Variants in CFAP77 observed in about 807,000 individuals in gnomAD.
CFAP77 encodes the protein cilia and flagella associated protein 77, also known as cilia- and flagella-associated protein 77.
Under a neutral mutation model 31.1 loss-of-function variants are expected in CFAP77, and 25 were observed. The ratio of observed to expected loss-of-function variants is 0.80; its 90% CI spans 0.59 to 1.12. The LOEUF is 1.12. CFAP77 is among the 50% of genes most tolerant of loss of function. CFAP77 has a pLI of 0.00. For synonymous variants in CFAP77, 151 were observed against 159.9 expected (o/e 0.94, Z 0.42); for missense variants, 377 against 397.3 (o/e 0.95, Z 0.44).
In CFAP77 at chr9:132,424,877, C is replaced by T. The variant is rs1207223504; in HGVS notation, c.195+14411C>T. Among the ~76,000 whole-genome samples, 5 of 152,164 alleles carry T rather than the reference C, an allele frequency of 3.3e-5. No homozygotes were observed. Among genetic ancestry groups the T allele is most frequent in the Admixed American group, 6.5e-5 (1 of 15,280 alleles). On this transcript the variant is annotated intron_variant, in intron 1 of 5. Transcript: ENST00000393216. The surrounding 1 kb of genome is among the most constrained non-coding windows in gnomAD (Gnocchi z 4.1). ...GCATCCCCTCCTCCTCTCCCAAACA[C>T]GGCTCCCTTCTTCTCCCCACCTCCC...
chr9:132,431,595 TA>T (rs1850412685), intron 1 of CFAP77, among the ~76,000 whole-genome samples: 1 of 152,168 alleles, frequency 6.6e-6, no homozygotes, highest in African/African-American at 2.4e-5. Flanking sequence ...AAAATTCACT[TA>T]ATGAGCCCGA....
chr9:132,433,439 G>A (rs2131693826), intron 1 of CFAP77, among the ~76,000 whole-genome samples: 1 of 152,252 alleles, frequency 6.6e-6, no homozygotes, highest in South Asian at 2.1e-4. Flanking sequence ...GGACAGCACA[G>A]ATGGCATAAA....
intron 5 of CFAP77, among the ~76,000 whole-genome samples, chr9:132,551,407 T>C (rs1852817794): frequency 6.6e-6 from 1 of 152,196 alleles, no homozygotes; most frequent in South Asian, 2.1e-4. Context: ...GCAATTCTTC[T>C]GCCTCAGCCT....
chr9:132,544,144 GAA>G (rs1383984656), intron 5 of CFAP77, among the ~76,000 whole-genome samples: 2 of 138,116 alleles, frequency 1.4e-5, no homozygotes, highest in African/African-American at 5.7e-5. Flanking sequence ...CTTCACCGGA[GAA>G]ACCTGCTCTG....
At position 132,570,441 on chromosome 9, in the gene CFAP77, G is replaced by A. The variant is rs574043814; in HGVS notation, c.733-1947G>A. ...GGCAAAACCAAAAAATCTGAAACCC[G>A]AGGCTGGGGCTGGGACTACGACTGG... On this transcript the variant is annotated intron_variant, in intron 5 of 5. Transcript: ENST00000393216. Among the ~76,000 whole-genome samples the A allele has an allele frequency of 3.9e-5, 6 of 152,240 alleles. No individual in the cohort carries two copies. The South Asian group carries it at 8.3e-4, about 21-fold the overall frequency.
intron 1 of CFAP77, among the ~76,000 whole-genome samples, chr9:132,441,211 A>AAGG (rs1362979263): frequency 1.3e-5 from 2 of 152,164 alleles, no homozygotes; most frequent in Non-Finnish European, 2.9e-5. Context: ...GTAGGGGGAA[A>AAGG]AGGAGACTGT....
intron 1 of CFAP77, among the ~76,000 whole-genome samples, chr9:132,484,529 G>A (rs1163741163): frequency 6.6e-6 from 1 of 152,152 alleles, no homozygotes; most frequent in African/African-American, 2.4e-5. Flanking sequence ...TTAGCATAAT[G>A]CTTTCAGGAT....
intron 1 of CFAP77, among the ~76,000 whole-genome samples, chr9:132,477,040 T>G (rs1277502559): frequency 6.6e-6 from 1 of 152,196 alleles, no homozygotes; most frequent in Non-Finnish European, 1.5e-5. Flanking sequence ...GTCTTGGGGC[T>G]GCCGGAGCTG....
intron 1 of CFAP77, among the ~76,000 whole-genome samples, chr9:132,475,147 C>G (rs1851330077): frequency 6.6e-6 from 1 of 152,212 alleles, no homozygotes; most frequent in Non-Finnish European, 1.5e-5. Flanking sequence ...GCTGCATTAA[C>G]CGAGCCTGAG....
chr9:132,443,821 C>T (rs1023895239), intron 1 of CFAP77, among the ~76,000 whole-genome samples: 8 of 152,226 alleles, frequency 5.3e-5, no homozygotes, highest in South Asian at 2.1e-4. Flanking sequence ...CTTCTGGCCA[C>T]GCTTGAATAG....
In CFAP77 at chr9:132,498,320, A is replaced by G. The variant is rs562015146; in HGVS notation, c.196-375A>G. Among the ~76,000 whole-genome samples, 1 of 152,202 alleles carries G rather than the reference A, an allele frequency of 6.6e-6. No homozygotes were observed. The highest frequency in any genetic ancestry group is 2.4e-5 in the African/African-American group (1 of 41,524). ...CTTCCTTCGACGGGGCCTCCAGATGAGGCCTCCTGAACTGGGTCCTGCATT... is the reference window on the plus strand; with the variant it reads ...CTTCCTTCGACGGGGCCTCCAGATGGGGCCTCCTGAACTGGGTCCTGCATT... On this transcript the variant is annotated intron_variant, in intron 1 of 5. Transcript: ENST00000393216. This position sits in a 1 kb window ranked among gnomAD's most constrained non-coding sequence, Gnocchi z 4.2.
intron 1 of CFAP77, among the ~76,000 whole-genome samples, chr9:132,435,528 C>T (rs1000321064): frequency 6.6e-6 from 1 of 152,144 alleles, no homozygotes; most frequent in African/African-American, 2.4e-5. Flanking sequence ...AATCTGAATG[C>T]TTTTCAGAGT....
chr9:132,467,781 C>T (rs1589868040), intron 1 of CFAP77, among the ~76,000 whole-genome samples: 2 of 152,134 alleles, frequency 1.3e-5, no homozygotes, highest in African/African-American at 4.8e-5. Flanking sequence ...TTCTGTTTTC[C>T]ACAGCAGCTG....
chr9:132,424,352 A>G lies in CFAP77; in HGVS notation c.195+13886A>G, dbSNP rs963018918. On this transcript the variant is annotated intron_variant, in intron 1 of 5. Coordinates refer to ENST00000393216, the MANE Select transcript of CFAP77 (RefSeq NM_001282957.2). The surrounding 1 kb of genome is among the most constrained non-coding windows in gnomAD (Gnocchi z 4.1). ...GGGAGGCAGAAGTTGCAGTGGGCTGAGATCGTGCCACTGCACTCCAGCCTG... is the reference window on the plus strand; with the variant it reads ...GGGAGGCAGAAGTTGCAGTGGGCTGGGATCGTGCCACTGCACTCCAGCCTG... 6.6e-6 allele frequency among the ~76,000 whole-genome samples: 1 copy of G among 152,142 alleles called. No individual in the cohort carries two copies. Among genetic ancestry groups the G allele is most frequent in the Non-Finnish European group, 1.5e-5 (1 of 68,016 alleles).
rs1398772763 is a variant in CFAP77, at chr9:132,565,592, CT to C, written c.733-6795del. The stretch of plus-strand genomic sequence containing the variant: ...TTTGCAGTGAGCTGAGATCACACCA[CT>C]GCACTCCAGCCTGGGCAACGAGAAT... On this transcript the variant is annotated intron_variant, in intron 5 of 5. Transcript: ENST00000393216. This position sits in a 1 kb window ranked among gnomAD's most constrained non-coding sequence, Gnocchi z 4.1. Among the ~76,000 whole-genome samples, 1 of 152,004 alleles carries C rather than the reference CT, an allele frequency of 6.6e-6. No homozygotes were observed. The highest frequency in any genetic ancestry group is 1.5e-5 in the Non-Finnish European group (1 of 67,994).
intron 4 of CFAP77, among the ~76,000 whole-genome samples, chr9:132,542,401 C>T (rs114910026): frequency 0.021 from 3,240 of 152,296 alleles, 127 homozygotes; most frequent in African/African-American, 0.073. Flanking sequence ...GGCACAGGCA[C>T]GCAGGTCAGG....
In CFAP77 at chr9:132,545,161, C is replaced by A. The variant is rs957970514; in HGVS notation, c.732+2114C>A. Among the ~76,000 whole-genome samples the A allele has an allele frequency of 6.6e-6, 1 of 152,256 alleles. No individual in the cohort carries two copies. Among genetic ancestry groups the A allele is most frequent in the Non-Finnish European group, 1.5e-5 (1 of 68,050 alleles). ...AAAGAGGGGATTTGACTCAGCTGACCATGGGTCTGCCAGTCTTGAGACCGT... is the reference window on the plus strand; with the variant it reads ...AAAGAGGGGATTTGACTCAGCTGACAATGGGTCTGCCAGTCTTGAGACCGT... On this transcript the variant is annotated intron_variant, in intron 5 of 5. Transcript: ENST00000393216. This position sits in a 1 kb window ranked among gnomAD's most constrained non-coding sequence, Gnocchi z 4.6.
intron 1 of CFAP77, among the ~76,000 whole-genome samples, chr9:132,434,527 A>T (rs74626977): frequency 0.015 from 2,216 of 152,236 alleles, 53 homozygotes; most frequent in African/African-American, 0.051. Context: ...TTTCGATCCA[A>T]ACTTAAGACA....
At chr9:132,464,913 A>T (rs574280969) in intron 1 of CFAP77, among the ~76,000 whole-genome samples, 9 of 152,146 alleles carry the variant, frequency 5.9e-5, no homozygotes, top group African/African-American at 2.2e-4. Context: ...CCAACTAAAA[A>T]TACAAAAATT....
Sources: allele counts gnomAD v4.1 joint callset (sites outside exome capture counted in the v4.1 genomes callset), GRCh38; gene constraint gnomAD v4.1.1; non-coding constraint Gnocchi (gnomAD v3.1); transcripts MANE v1.5; gene names NCBI Gene and HGNC (gene_info 2026-07-23, HGNC 2026-07-21).